The following LINGO2 variants were observed in gnomAD, a reference collection of about 807,000 sequenced individuals.
LINGO2 encodes leucine rich repeat and Ig domain containing 2, also known as leucine-rich repeat and immunoglobulin-like domain-containing nogo receptor-interacting protein 2.
A neutral mutation model predicts 30.6 loss-of-function variants in LINGO2; 14 were observed. That is an observed-to-expected ratio of 0.46 (90% CI 0.30 to 0.72). The LOEUF (loss-of-function observed/expected upper bound fraction) is 0.72, where lower values mean the gene tolerates loss of function less well. LINGO2 is among the 30% of genes least tolerant of loss of function. The pLI, the probability that LINGO2 is intolerant of heterozygous loss-of-function variation, is 0.07. For missense variants in LINGO2, 729 were observed against 751.7 expected (o/e 0.97, Z 0.35); for synonymous variants, 317 against 288.5 (o/e 1.10, Z -1.00).
At chr9:28,861,299 TTA>T in the LINGO2 span, among the ~76,000 whole-genome samples, 1 of 127,578 alleles carries the variant, frequency 7.8e-6, no homozygotes, top group African/African-American at 3.0e-5. Context: ...ATTTTATATA[TTA>T]TATATTTTAT....
the LINGO2 span, among the ~76,000 whole-genome samples, chr9:29,009,385 C>G: frequency 6.6e-6 from 1 of 151,944 alleles, no homozygotes. Flanking sequence ...TCCTATACAC[C>G]AATTACAGAC....
chr9:28,520,209 A>G (rs141179956), intron 1 of LINGO2, among the ~76,000 whole-genome samples: 1,805 of 152,244 alleles, frequency 0.012, 33 homozygotes, highest in African/African-American at 0.041. Context: ...AATACTGAGT[A>G]GAAACTGATA....
intron 3 of LINGO2, among the ~76,000 whole-genome samples, chr9:28,369,880 TTAATAA>T (rs1820828819): frequency 6.6e-6 from 1 of 152,192 alleles, no homozygotes; most frequent in African/African-American, 2.4e-5. Context: ...TCCTCTTTAA[TTAATAA>T]TCATTGTATA....
At chr9:28,164,939 A>C (rs1828385734) in intron 4 of LINGO2, among the ~76,000 whole-genome samples, 1 of 152,124 alleles carries the variant, frequency 6.6e-6, no homozygotes, top group South Asian at 2.1e-4. Flanking sequence ...GCTCCATTAA[A>C]ATTTTTGGCT....
the LINGO2 span, among the ~76,000 whole-genome samples, chr9:29,081,295 G>A: frequency 6.6e-6 from 1 of 152,002 alleles, no homozygotes; most frequent in African/African-American, 2.4e-5. Context: ...ATCAATAAAC[G>A]TAATCCAGCA....
the LINGO2 span, among the ~76,000 whole-genome samples, chr9:28,891,259 T>A: frequency 6.6e-6 from 1 of 151,992 alleles, no homozygotes; most frequent in African/African-American, 2.4e-5. Flanking sequence ...GTATTCTATG[T>A]GTGCCTCACA....
chr9:28,822,045 G>C, the LINGO2 span, among the ~76,000 whole-genome samples: 2 of 152,116 alleles, frequency 1.3e-5, no homozygotes, highest in African/African-American at 4.8e-5. Flanking sequence ...CCTGGTCAGA[G>C]CAAGCCCAGA....
chr9:28,749,946 C>T, the LINGO2 span, among the ~76,000 whole-genome samples: 4 of 152,056 alleles, frequency 2.6e-5, no homozygotes, highest in African/African-American at 4.8e-5. Flanking sequence ...ATTGTACTTA[C>T]ACTGTCAAGC....
At chr9:27,986,140 G>C (rs953902185) in intron 5 of LINGO2, among the ~76,000 whole-genome samples, 1 of 151,188 alleles carries the variant, frequency 6.6e-6, no homozygotes, top group African/African-American at 2.4e-5. Context: ...GGTGGAGCTG[G>C]CTTCTGGAGG....
intron 3 of LINGO2, among the ~76,000 whole-genome samples, chr9:28,318,857 C>G (rs1032386667): frequency 2.0e-5 from 3 of 152,128 alleles, no homozygotes; most frequent in Non-Finnish European, 4.4e-5. Context: ...TAAGCAAACA[C>G]TTGACAAAAC....
At chr9:29,006,872 C>T in the LINGO2 span, among the ~76,000 whole-genome samples, 1 of 151,958 alleles carries the variant, frequency 6.6e-6, no homozygotes, top group African/African-American at 2.4e-5. Flanking sequence ...TCCTTTGATG[C>T]CTTAATAGCA....
chr9:28,415,481 G>A (rs546802865), intron 2 of LINGO2, among the ~76,000 whole-genome samples: 3 of 152,232 alleles, frequency 2.0e-5, no homozygotes, highest in Admixed American at 6.5e-5. Context: ...GCATGAAATG[G>A]CCCTTCTAAC....
chr9:28,502,775 A>G (rs1476595930), intron 1 of LINGO2, among the ~76,000 whole-genome samples: 1 of 152,138 alleles, frequency 6.6e-6, no homozygotes, highest in Admixed American at 6.6e-5. Context: ...CACTAAATAT[A>G]GCACTAAAAA....
At chr9:28,332,520 A>G (rs1212648561) in intron 3 of LINGO2, among the ~76,000 whole-genome samples, 2 of 151,896 alleles carry the variant, frequency 1.3e-5, no homozygotes, top group African/African-American at 4.8e-5. Flanking sequence ...TTCTCAAATC[A>G]TCCTAGGGTG....
chr9:28,552,921 G>A (rs1310863746), intron 1 of LINGO2, among the ~76,000 whole-genome samples: 6 of 150,756 alleles, frequency 4.0e-5, no homozygotes, highest in African/African-American at 2.4e-5. Flanking sequence ...TTTTCGAGAT[G>A]AAGAACCTTT....
chr9:29,152,677 T>C, the LINGO2 span, among the ~76,000 whole-genome samples: 1 of 152,182 alleles, frequency 6.6e-6, no homozygotes, highest in Non-Finnish European at 1.5e-5. Context: ...GCTGAAAAAC[T>C]ACCTGTTGCA....
chr9:28,612,589 T>C (rs1165193690), intron 1 of LINGO2, among the ~76,000 whole-genome samples: 3 of 152,142 alleles, frequency 2.0e-5, no homozygotes, highest in African/African-American at 7.2e-5. Context: ...TTGTAGACCC[T>C]TTGTTTTAGC....
downstream of LINGO2, chr9:27,947,972 T>G (rs1301296054): frequency 6.6e-6 from 1 of 152,180 alleles, no homozygotes; most frequent in African/African-American, 2.4e-5. Flanking sequence ...CTACCTTGCA[T>G]TTTACAGGTA....
chr9:28,104,522 T>G (rs1192731193), intron 4 of LINGO2, among the ~76,000 whole-genome samples: 2 of 151,956 alleles, frequency 1.3e-5, no homozygotes, highest in African/African-American at 4.8e-5. Flanking sequence ...CCTCCCAATA[T>G]AGAGCACACT....
Sources: gnomAD v4.1 joint callset for allele counts (sites outside exome capture counted in the v4.1 genomes callset) on GRCh38, gnomAD v4.1.1 for gene constraint, MANE v1.5 for transcripts, NCBI Gene and HGNC (gene_info 2026-07-23, HGNC 2026-07-21) for gene names.